Variants in LRRC53 observed in about 807,000 individuals in gnomAD.
The protein encoded by LRRC53 is leucine-rich repeat-containing protein 53.
LRRC53 carries 25 observed loss-of-function variants against 13.6 expected under a neutral mutation model. The observed-to-expected ratio is 1.83, with a 90% CI of 1.34 to 2.56. LRRC53 has a LOEUF of 2.56. Ranked by LOEUF, LRRC53 falls within the 30% of genes most tolerant of loss-of-function variation. The pLI is 0.00. For missense variants in LRRC53, 527 were observed against 275.8 expected, an observed-to-expected ratio of 1.91 and a Z score of -6.45; for synonymous variants, 204 against 109.8, an observed-to-expected ratio of 1.86 and a Z score of -5.37.
intron 1 of LRRC53, among the ~76,000 whole-genome samples, chr1:74,496,909 A>G (rs1669355247): frequency 6.6e-6 from 1 of 152,148 alleles, no homozygotes; most frequent in Non-Finnish European, 1.5e-5. Context: ...AGATGTGAAA[A>G]CCAATTAGTG....
upstream of LRRC53, among the ~76,000 whole-genome samples, chr1:74,513,135 G>A (rs1646287370): frequency 1.3e-5 from 2 of 152,202 alleles, no homozygotes; most frequent in African/African-American, 2.4e-5. Context: ...CTGTTTCACT[G>A]GCCTGAGATT....
At chr1:74,486,124 T>C (rs896394006) in intron 1 of LRRC53, among the ~76,000 whole-genome samples, 1 of 151,676 alleles carries the variant, frequency 6.6e-6, no homozygotes, top group African/African-American at 2.4e-5. Context: ...CCTCTGTTCC[T>C]TCAAACAAGC....
intron 1 of LRRC53, among the ~76,000 whole-genome samples, chr1:74,487,825 G>A (rs1335152316): frequency 6.6e-6 from 1 of 152,194 alleles, no homozygotes; most frequent in Non-Finnish European, 1.5e-5. Context: ...CCAAGTACCA[G>A]TGTGATCAAA....
chr1:74,535,988 T>G, the LRRC53 span, among the ~76,000 whole-genome samples: 1 of 152,196 alleles, frequency 6.6e-6, no homozygotes, highest in Non-Finnish European at 1.5e-5. Context: ...AGAATGATTT[T>G]CTTTTCTTAA....
At chr1:74,532,390 A>G in the LRRC53 span, among the ~76,000 whole-genome samples, 1 of 152,196 alleles carries the variant, frequency 6.6e-6, no homozygotes, top group East Asian at 1.9e-4. Flanking sequence ...ACTTATTATC[A>G]GCTCTGTAAT....
chr1:74,504,440 TGAG>T (rs1354175067), intron 1 of LRRC53, among the ~76,000 whole-genome samples: 1 of 152,132 alleles, frequency 6.6e-6, no homozygotes, highest in Admixed American at 6.6e-5. Context: ...GCCTCAAAGT[TGAG>T]GAGCATGTGA....
the LRRC53 span, among the ~76,000 whole-genome samples, chr1:74,534,127 A>T: frequency 2.6e-5 from 4 of 152,210 alleles, no homozygotes; most frequent in African/African-American, 9.6e-5. Context: ...AGCCTTCTGC[A>T]AGTATAAGCA....
chr1:74,503,132 C>G (rs561480529), intron 1 of LRRC53, among the ~76,000 whole-genome samples: 81 of 152,200 alleles, frequency 5.3e-4, no homozygotes, highest in Non-Finnish European at 1.1e-3. Context: ...AAAAAAACAA[C>G]AACAATCTTT....
chr1:74,480,535 T>A lies in LRRC53; in HGVS notation c.522A>T (p.Lys174Asn). 1.4e-6 allele frequency: 1 copy of A among 717,466 alleles called. No individual in the cohort carries two copies. The highest frequency in any genetic ancestry group is 2.3e-4 in the Middle Eastern group (1 of 4,372). The allele number at this position is 717,466 out of a possible 1,614,324, so 44.4% of individuals were successfully genotyped here. ...GTTGAGGCAGGGGCCGGAAGGCATC[T>A]TTCCCAATGTAGGAAATAAAATTGT... Reference protein sequence around the residue: ...LSNNFISYIGKDAFRPLPQLQ... With the variant: ...LSNNFISYIGNDAFRPLPQLQ... The change falls in exon 3 of 5, where the codon AAA (lysine) becomes AAT (asparagine). Residue 174 changes from lysine to asparagine, a missense_variant. Transcript: ENST00000294635.
the LRRC53 span, among the ~76,000 whole-genome samples, chr1:74,526,870 G>C: frequency 1.3e-5 from 2 of 152,120 alleles, no homozygotes; most frequent in Non-Finnish European, 2.9e-5. Context: ...CTGCCTGCTT[G>C]TTTCTGTAAA....
the LRRC53 span, among the ~76,000 whole-genome samples, chr1:74,530,894 T>C: frequency 6.6e-6 from 1 of 152,018 alleles, no homozygotes; most frequent in Non-Finnish European, 1.5e-5. Flanking sequence ...AATTGAGAGG[T>C]GGTAGTGTTG....
At chr1:74,530,723 GTTT>G in the LRRC53 span, among the ~76,000 whole-genome samples, 3 of 142,196 alleles carry the variant, frequency 2.1e-5, no homozygotes, top group African/African-American at 5.2e-5. Flanking sequence ...AACTCAAAAA[GTTT>G]TTTTTTTTTT....
chr1:74,489,728 A>G (rs1318576164), intron 1 of LRRC53, among the ~76,000 whole-genome samples: 1 of 152,204 alleles, frequency 6.6e-6, no homozygotes, highest in African/African-American at 2.4e-5. Flanking sequence ...GTTGGTAATC[A>G]GGCTAATGGA....
In LRRC53 at chr1:74,472,172, A is replaced by G. The variant is rs1022393364; in HGVS notation, c.1450T>C (p.Tyr484His). The G allele has an allele frequency of 1.4e-6, 1 of 716,854 alleles. No homozygotes were observed. The highest frequency in any genetic ancestry group is 1.7e-5 in the African/African-American group (1 of 57,184). 44.4% of individuals were successfully genotyped at this position (716,854 alleles called of 1,614,324 possible). A position where few individuals can be genotyped will look rare whatever the true frequency, so the allele number is the denominator to read the frequency against. The change falls in exon 5 of 5, where the codon TAT becomes CAT. Residue 484 changes from tyrosine (Y) to histidine (H), a missense_variant. Coordinates refer to ENST00000294635, the MANE Select transcript of LRRC53 (RefSeq NM_001382280.1). ...DISSDIFRRR[Y>H]ATPASALAGE... The stretch of plus-strand genomic sequence containing the variant: ...GCCAAGGCTGAAGCGGGTGTTGCAT[A>G]TCTTCTTCTAAATATGTCACTGCTG...
chr1:74,529,643 A>G, the LRRC53 span, among the ~76,000 whole-genome samples: 2 of 152,366 alleles, frequency 1.3e-5, no homozygotes, highest in African/African-American at 4.8e-5. Context: ...TATTTTGGAA[A>G]TACACTAAAG....
chr1:74,534,300 C>T, the LRRC53 span, among the ~76,000 whole-genome samples: 9 of 152,242 alleles, frequency 5.9e-5, no homozygotes, highest in South Asian at 1.4e-3. Context: ...GCAAAAGCCA[C>T]GCTCAGAAGA....
the LRRC53 span, among the ~76,000 whole-genome samples, chr1:74,529,636 T>C: frequency 2.0e-5 from 3 of 152,220 alleles, no homozygotes; most frequent in Non-Finnish European, 4.4e-5. Flanking sequence ...ATGTCTTTAT[T>C]TTGGAAATAC....
chr1:74,483,688 T>C (rs1668611085), intron 1 of LRRC53, among the ~76,000 whole-genome samples: 2 of 152,232 alleles, frequency 1.3e-5, no homozygotes, highest in Admixed American at 1.3e-4. Flanking sequence ...TCTTACTTAG[T>C]TCTTTTAATT....
At chr1:74,500,783 G>A (rs1041118460) in intron 1 of LRRC53, among the ~76,000 whole-genome samples, 1 of 151,782 alleles carries the variant, frequency 6.6e-6, no homozygotes, top group African/African-American at 2.4e-5. Flanking sequence ...CACCTTCAGG[G>A]GGAAAATGCT....
Sources: gnomAD v4.1 joint callset for allele counts (sites outside exome capture counted in the v4.1 genomes callset) on GRCh38, gnomAD v4.1.1 for gene constraint, MANE v1.5 for transcripts, NCBI Gene and HGNC (gene_info 2026-07-23, HGNC 2026-07-21) for gene names.